CSMD1: variants seen among roughly 807,000 people sequenced by gnomAD.
The protein encoded by CSMD1 is CUB and Sushi multiple domains 1.
A neutral mutation model predicts 417.5 loss-of-function variants in CSMD1; 213 were observed. The ratio of observed to expected loss-of-function variants is 0.51; its 90% CI spans 0.46 to 0.57. The LOEUF (loss-of-function observed/expected upper bound fraction) is 0.57. CSMD1 is among the 20% of genes least tolerant of loss of function. The pLI is 0.00. For missense variants in CSMD1, 6,923 were observed against 4,529.7 expected (o/e 1.53, Z -15.17); for synonymous variants, 2,862 against 1,736.8 (o/e 1.65, Z -16.11).
chr8:4,816,142 G>C (rs760702528), intron 1 of CSMD1, among the ~76,000 whole-genome samples: 1 of 152,110 alleles, frequency 6.6e-6, no homozygotes, highest in African/African-American at 2.4e-5. Context: ...GTTTGTCTGA[G>C]GCTTTGCATG....
intron 3 of CSMD1, among the ~76,000 whole-genome samples, chr8:4,039,396 A>G (rs1797774152): frequency 6.6e-6 from 1 of 152,206 alleles, no homozygotes; most frequent in South Asian, 2.1e-4. Flanking sequence ...AGGATTAGAA[A>G]AATCTGGTTA....
At chr8:4,592,929 A>T (rs568829196) in intron 2 of CSMD1, among the ~76,000 whole-genome samples, 1 of 152,244 alleles carries the variant, frequency 6.6e-6, no homozygotes, top group African/African-American at 2.4e-5. Flanking sequence ...ATCAGCATTT[A>T]TTTATATGTG....
intron 21 of CSMD1, among the ~76,000 whole-genome samples, chr8:3,348,501 C>T (rs1461552824): frequency 6.6e-6 from 1 of 152,136 alleles, no homozygotes; most frequent in Non-Finnish European, 1.5e-5. Flanking sequence ...AGCACCTCTC[C>T]CACCCACCTC....
chr8:3,028,528 T>C (rs886783578), intron 51 of CSMD1, among the ~76,000 whole-genome samples: 1 of 152,184 alleles, frequency 6.6e-6, no homozygotes, highest in Non-Finnish European at 1.5e-5. Flanking sequence ...AGCTTTGAGC[T>C]CCCTGAGGCC....
chr8:3,966,910 G>A (rs145649134), intron 5 of CSMD1, among the ~76,000 whole-genome samples: 352 of 152,290 alleles, frequency 2.3e-3, no homozygotes, highest in African/African-American at 8.0e-3. Context: ...CTTGAATGCC[G>A]ATGAATTAAA....
intron 2 of CSMD1, among the ~76,000 whole-genome samples, chr8:4,444,590 T>C (rs1798672033): frequency 6.6e-6 from 1 of 152,068 alleles, no homozygotes; most frequent in African/African-American, 2.4e-5. Flanking sequence ...GAACATGAAA[T>C]GCTGAGCATT....
intron 3 of CSMD1, among the ~76,000 whole-genome samples, chr8:4,063,244 A>G (rs1799073522): frequency 1.3e-5 from 2 of 152,074 alleles, no homozygotes; most frequent in East Asian, 3.9e-4. Context: ...TATCACATGT[A>G]TCCCATAAAT....
At chr8:3,970,707 T>C (rs988515572) in intron 5 of CSMD1, among the ~76,000 whole-genome samples, 9 of 152,186 alleles carry the variant, frequency 5.9e-5, no homozygotes. Context: ...TGTCCATGAA[T>C]GAGGTGCACC....
chr8:4,355,106 C>T (rs1444820515), intron 3 of CSMD1, among the ~76,000 whole-genome samples: 3 of 151,780 alleles, frequency 2.0e-5, no homozygotes, highest in Admixed American at 1.3e-4. Context: ...ACTAAAAAGA[C>T]AAAAAATTAG....
At chr8:3,846,579 G>C (rs1369509405) in intron 5 of CSMD1, among the ~76,000 whole-genome samples, 1 of 152,114 alleles carries the variant, frequency 6.6e-6, no homozygotes, top group Non-Finnish European at 1.5e-5. Context: ...AGATTAAGTT[G>C]ACATTTAAAA....
intron 3 of CSMD1, among the ~76,000 whole-genome samples, chr8:4,380,205 G>T (rs1349550813): frequency 6.6e-6 from 1 of 152,162 alleles, no homozygotes; most frequent in Admixed American, 6.5e-5. Flanking sequence ...CTTCTTTCCA[G>T]ACTACAGTAT....
Position 3,718,294 on chromosome 8 carries a change from G to C in CSMD1, c.932-9803C>G, listed in dbSNP as rs537206142. 2.3e-3 allele frequency among the ~76,000 whole-genome samples: 232 copies of C among 102,094 alleles called. 3 individuals carry two copies. Among genetic ancestry groups the C allele is most frequent in the South Asian group, 0.021 (74 of 3,592 alleles). The allele number at this position is 102,094 out of a possible 152,430, so 67.0% of individuals were successfully genotyped here. On this transcript the variant is annotated intron_variant, in intron 6 of 69. Coordinates refer to ENST00000635120, the MANE Select transcript of CSMD1 (RefSeq NM_033225.6). ...AGCTTACAAATATTCAGGCATTCCT[G>C]CATTTTTTTTATTGGATTTTTGATG...
intron 3 of CSMD1, among the ~76,000 whole-genome samples, chr8:4,195,995 A>T (rs1377164356): frequency 6.6e-6 from 1 of 152,040 alleles, no homozygotes; most frequent in Non-Finnish European, 1.5e-5. Context: ...GCGGATCATG[A>T]GGTCATGCGA....
At chr8:4,837,000 C>G (rs762059241) in intron 1 of CSMD1, among the ~76,000 whole-genome samples, 2 of 150,644 alleles carry the variant, frequency 1.3e-5, no homozygotes, top group Non-Finnish European at 1.5e-5. Flanking sequence ...AGAGACCACC[C>G]AGAAGACAGG....
At chr8:4,213,981 A>G (rs575598259) in intron 3 of CSMD1, among the ~76,000 whole-genome samples, 1 of 152,334 alleles carries the variant, frequency 6.6e-6, no homozygotes, top group South Asian at 2.1e-4. Context: ...GTGTCTTTCA[A>G]GGCACACAAA....
chr8:4,238,011 C>T lies in CSMD1; in HGVS notation c.415+181942G>A, dbSNP rs190701711. 2.2e-4 allele frequency among the ~76,000 whole-genome samples: 33 copies of T among 152,236 alleles called. 1 individual carries two copies. In the East Asian group the frequency reaches 5.4e-3, roughly 25 times the overall value. On this transcript the variant is annotated intron_variant, in intron 3 of 69. Coordinates refer to ENST00000635120, the MANE Select transcript of CSMD1 (RefSeq NM_033225.6). ...GCATGCACAGGCCTACTGGGCGGGA[C>T]GAACCACATCATGTGCTTTCCAGCA...
intron 3 of CSMD1, among the ~76,000 whole-genome samples, chr8:4,179,601 T>C (rs1798243271): frequency 4.6e-5 from 7 of 151,830 alleles, no homozygotes; most frequent in Admixed American, 4.6e-4. Context: ...ACTATAGAGC[T>C]TCTGCACAGC....
chr8:3,403,672 T>C (rs771045446), intron 15 of CSMD1, among the ~76,000 whole-genome samples: 2 of 151,972 alleles, frequency 1.3e-5, no homozygotes. Context: ...GAGATGAGAG[T>C]GTAGTGTTCA....
chr8:3,591,555 T>C (rs1338250232), intron 8 of CSMD1, among the ~76,000 whole-genome samples: 1 of 152,214 alleles, frequency 6.6e-6, no homozygotes, highest in Non-Finnish European at 1.5e-5. Context: ...ATGGGTTGAC[T>C]TAGCTGTCCG....
Sources: gnomAD v4.1 joint callset for allele counts (sites outside exome capture counted in the v4.1 genomes callset) on GRCh38, gnomAD v4.1.1 for gene constraint, MANE v1.5 for transcripts, NCBI Gene and HGNC (gene_info 2026-07-23, HGNC 2026-07-21) for gene names.